Variants in PRELID2 observed in about 807,000 individuals in gnomAD.
The protein encoded by PRELID2 is PRELI domain containing 2, also known as PRELI domain-containing protein 2.
PRELID2 carries 25 observed loss-of-function variants against 28.4 expected under a neutral mutation model. The ratio of observed to expected loss-of-function variants is 0.88; its 90% CI spans 0.64 to 1.23. The LOEUF (loss-of-function observed/expected upper bound fraction) is 1.23. Ranked by LOEUF, PRELID2 falls within the 50% of genes most tolerant of loss-of-function variation. The pLI is 0.00. For synonymous variants in PRELID2, 76 were observed against 71.6 expected (o/e 1.06, Z -0.31); for missense variants, 201 against 214.4 (o/e 0.94, Z 0.39).
chr5:145,385,644 T>C, the PRELID2 span, among the ~76,000 whole-genome samples: 1 of 152,206 alleles, frequency 6.6e-6, no homozygotes, highest in Admixed American at 6.6e-5. Flanking sequence ...TTTCCTCTTT[T>C]ACCAAGAACT....
chr5:145,273,993 G>C, the PRELID2 span, among the ~76,000 whole-genome samples: 2 of 152,134 alleles, frequency 1.3e-5, no homozygotes, highest in Admixed American at 1.3e-4. Context: ...AGAGGGACAG[G>C]GGTGCGTGAT....
chr5:145,498,185 TA>T (rs34153276), intron 1 of PRELID2, among the ~76,000 whole-genome samples: 8 of 151,166 alleles, frequency 5.3e-5, no homozygotes, highest in South Asian at 2.1e-4. Context: ...TAAAACAAGG[TA>T]AAAAAAAACT....
chr5:145,548,352 GA>G (rs1249582852), intron 1 of PRELID2, among the ~76,000 whole-genome samples: 1 of 152,134 alleles, frequency 6.6e-6, no homozygotes, highest in Non-Finnish European at 1.5e-5. Flanking sequence ...ATCACAAGAG[GA>G]AAGGGGAAAT....
At chr5:145,483,208 C>CTCT (rs1752178719) in intron 1 of PRELID2, among the ~76,000 whole-genome samples, 1 of 152,120 alleles carries the variant, frequency 6.6e-6, no homozygotes, top group Admixed American at 6.6e-5. Context: ...AATATAGAGT[C>CTCT]TGTTTCCCAC....
chr5:145,384,918 C>T, the PRELID2 span, among the ~76,000 whole-genome samples: 1 of 152,094 alleles, frequency 6.6e-6, no homozygotes, highest in Non-Finnish European at 1.5e-5. Flanking sequence ...CCCACCAGGC[C>T]CCACCTCTAA....
chr5:145,453,883 G>C, the PRELID2 span, among the ~76,000 whole-genome samples: 1 of 152,090 alleles, frequency 6.6e-6, no homozygotes. Flanking sequence ...ATTTGGGTTG[G>C]TTCCAAGTCT....
chr5:145,509,543 C>G (rs1282966784), intron 1 of PRELID2, among the ~76,000 whole-genome samples: 6 of 152,142 alleles, frequency 3.9e-5, no homozygotes, highest in African/African-American at 1.4e-4. Context: ...CAAGGGCCAC[C>G]CTGCCTTTCC....
intron 1 of PRELID2, among the ~76,000 whole-genome samples, chr5:145,580,922 T>C (rs564198892): frequency 6.6e-6 from 1 of 152,176 alleles, no homozygotes; most frequent in African/African-American, 2.4e-5. Context: ...TTCAATGACT[T>C]TCCATTGAGC....
At chr5:145,647,042 C>T (rs1165194359) in intron 1 of PRELID2, among the ~76,000 whole-genome samples, 3 of 152,202 alleles carry the variant, frequency 2.0e-5, no homozygotes, top group African/African-American at 7.2e-5. Context: ...AGAGCTCGAA[C>T]GCTGTGCTTG....
intron 1 of PRELID2, among the ~76,000 whole-genome samples, chr5:145,631,451 C>T (rs1327665795): frequency 3.3e-5 from 5 of 152,192 alleles, no homozygotes; most frequent in Non-Finnish European, 7.3e-5. Flanking sequence ...TTTACATTTA[C>T]AAAGTGGGAA....
chr5:145,279,603 CAT>C, the PRELID2 span, among the ~76,000 whole-genome samples: 2 of 152,092 alleles, frequency 1.3e-5, no homozygotes, highest in Non-Finnish European at 2.9e-5. Flanking sequence ...CTAAAATTAA[CAT>C]TATAATTATT....
the PRELID2 span, among the ~76,000 whole-genome samples, chr5:145,441,893 T>G: frequency 6.6e-6 from 1 of 152,118 alleles, no homozygotes; most frequent in African/African-American, 2.4e-5. Context: ...GCATGGTTGG[T>G]TCTTCATTGC....
chr5:145,747,614 C>T (rs560727052), intron 1 of PRELID2, among the ~76,000 whole-genome samples: 8 of 103,902 alleles, frequency 7.7e-5, no homozygotes, highest in Non-Finnish European at 1.5e-4. Context: ...GGAGCTGGTA[C>T]CATTCCTTCT....
intron 1 of PRELID2, among the ~76,000 whole-genome samples, chr5:145,682,886 G>C (rs1754965224): frequency 6.6e-6 from 1 of 152,184 alleles, no homozygotes; most frequent in Non-Finnish European, 1.5e-5. Context: ...AACACTGCTG[G>C]TTCCAAAACT....
chr5:145,229,897 T>G, the PRELID2 span: 1 of 750,288 alleles, frequency 1.3e-6, no homozygotes, highest in Non-Finnish European at 2.5e-6. Flanking sequence ...GTGTACATCC[T>G]TGGCTGGGAG....
the PRELID2 span, among the ~76,000 whole-genome samples, chr5:145,255,268 A>C: frequency 6.6e-6 from 1 of 152,168 alleles, no homozygotes; most frequent in Non-Finnish European, 1.5e-5. Context: ...TAGAATTATG[A>C]GACTTTAAAA....
At chr5:145,437,055 A>G in the PRELID2 span, 1 of 152,214 alleles carries the variant, frequency 6.6e-6, no homozygotes, top group Non-Finnish European at 1.5e-5. Context: ...ACAGAACCCA[A>G]TATCCTCCAC....
chr5:145,554,123 GAGGGAGTCCC>G (rs1240974492), intron 1 of PRELID2, among the ~76,000 whole-genome samples: 1 of 152,194 alleles, frequency 6.6e-6, no homozygotes, highest in Admixed American at 6.5e-5. Flanking sequence ...ATGAGTTCAA[GAGGGAGTCCC>G]AGGCTGTAGA....
intron 1 of PRELID2, among the ~76,000 whole-genome samples, chr5:145,571,296 G>GGGCCTC (rs1753013116): frequency 6.6e-6 from 1 of 152,132 alleles, no homozygotes; most frequent in African/African-American, 2.4e-5. Context: ...GCATTCCAAA[G>GGGCCTC]TTAACCTGAA....
Sources: gnomAD v4.1 joint callset for allele counts (sites outside exome capture counted in the v4.1 genomes callset) on GRCh38, gnomAD v4.1.1 for gene constraint, MANE v1.5 for transcripts, NCBI Gene and HGNC (gene_info 2026-07-23, HGNC 2026-07-21) for gene names.